The following ARHGAP18 variants were observed in gnomAD, a reference collection of about 807,000 sequenced individuals.
ARHGAP18 encodes rho GTPase-activating protein 18.
Under a neutral mutation model 86.2 loss-of-function variants are expected in ARHGAP18, and 67 were observed. That is an observed-to-expected ratio of 0.78 (90% CI 0.64 to 0.95). ARHGAP18 has a LOEUF of 0.95. ARHGAP18 is among the 40% of genes least tolerant of loss of function. ARHGAP18 has a pLI of 0.00. For missense variants in ARHGAP18, 691 were observed against 780.4 expected (o/e 0.89, Z 1.37); for synonymous variants, 283 against 280.4 (o/e 1.01, Z -0.09).
At chr6:129,694,704 A>G (rs1774584681) in intron 1 of ARHGAP18, among the ~76,000 whole-genome samples, 1 of 152,238 alleles carries the variant, frequency 6.6e-6, no homozygotes, top group South Asian at 2.1e-4. Context: ...CTCTTAGCTG[A>G]CACTGTGTAT....
chr6:129,633,989 A>T (rs137971331), intron 4 of ARHGAP18, 53 bp downstream of exon 4: 8 of 1,450,084 alleles, frequency 5.5e-6, no homozygotes, highest in African/African-American at 1.4e-5. Flanking sequence ...TGTAACTGTT[A>T]TACTAATTAA....
At chr6:129,605,144 C>CT (rs1487451753) in intron 10 of ARHGAP18, among the ~76,000 whole-genome samples, 3 of 151,826 alleles carry the variant, frequency 2.0e-5, no homozygotes, top group African/African-American at 7.3e-5. Flanking sequence ...ATTTTTTTTC[C>CT]TTTTTCTAAG....
At chr6:129,598,899 G>C (rs1298752210) in intron 12 of ARHGAP18, 1 of 174,028 alleles carries the variant, frequency 5.7e-6, no homozygotes, top group Non-Finnish European at 1.2e-5. Context: ...TAGGCGACTA[G>C]AGTCTCCGCA....
chr6:129,640,011 C>G (rs1034115881), intron 2 of ARHGAP18, among the ~76,000 whole-genome samples: 6 of 140,212 alleles, frequency 4.3e-5, no homozygotes, highest in African/African-American at 1.6e-4. Context: ...TGCCACTGTA[C>G]TCCAGCCTGG....
At chr6:129,691,539 C>T (rs1047690990) in intron 1 of ARHGAP18, among the ~76,000 whole-genome samples, 16 of 152,226 alleles carry the variant, frequency 1.1e-4, no homozygotes, top group African/African-American at 3.4e-4. Context: ...TCTCTCTAAG[C>T]GTTAAAACTT....
chr6:129,699,040 T>C (rs1423510532), intron 1 of ARHGAP18, among the ~76,000 whole-genome samples: 1 of 151,948 alleles, frequency 6.6e-6, no homozygotes, highest in Non-Finnish European at 1.5e-5. Context: ...GGTTTCACCA[T>C]ATTGGCCAGG....
chr6:129,640,042 C>CAA (rs374771260), intron 2 of ARHGAP18, among the ~76,000 whole-genome samples: 902 of 72,506 alleles, frequency 0.012, 24 homozygotes, highest in African/African-American at 0.024. Context: ...GAGACTGTCT[C>CAA]AAAAAAAAAA....
At chr6:129,673,262 T>C (rs1033474768) in intron 1 of ARHGAP18, among the ~76,000 whole-genome samples, 1 of 152,126 alleles carries the variant, frequency 6.6e-6, no homozygotes. Context: ...AAATATCCAG[T>C]TCCTATTTCC....
Position 129,578,534 on chromosome 6 carries a change from A to T in ARHGAP18, c.1971T>A (p.Val657=). 6.2e-7 allele frequency: 1 copy of T among 1,612,178 alleles called. No individual in the cohort carries two copies. The highest frequency in any genetic ancestry group is 8.5e-7 in the Non-Finnish European group (1 of 1,178,808). Residue 657 remains valine (V), a synonymous_variant, in exon 15 of 15, where the codon GTT becomes GTA. Coordinates refer to ENST00000368149, the MANE Select transcript of ARHGAP18 (RefSeq NM_033515.3). ...LYQLNPNAEW[V]IKSKPL is the part of the protein sequence containing the mutation. ...TCTTCTACAATGGCTTTGACTTTATAACCCACTCAGCATTTGGGTTAAGCT... is the reference window on the plus strand; with the variant it reads ...TCTTCTACAATGGCTTTGACTTTATTACCCACTCAGCATTTGGGTTAAGCT...
In ARHGAP18 at chr6:129,576,296, A is replaced by G. The variant is rs1380225503; in HGVS notation, c.*2217T>C. 6.6e-6 allele frequency: 1 copy of G among 152,174 alleles called. No individual in the cohort carries two copies. Among genetic ancestry groups the G allele is most frequent in the Non-Finnish European group, 1.5e-5 (1 of 68,024 alleles). The allele number at this position is 152,174 out of a possible 1,614,324, so 9.4% of individuals were successfully genotyped here. A position where few individuals can be genotyped will look rare whatever the true frequency, so the allele number is the denominator to read the frequency against. ...TTATATTCAAGGCTCTATGGTATCA[A>G]GTTTTTTTTCTCTTTAGAGCCAGGC... On this transcript the variant is annotated 3_prime_UTR_variant, in exon 15 of 15. Transcript: ENST00000368149.
rs141895248 is a variant in ARHGAP18, at chr6:129,670,861, C to A, written c.114-28843G>T. 3.2e-3 allele frequency among the ~76,000 whole-genome samples: 482 copies of A among 152,260 alleles called. 4 individuals carry two copies. Among genetic ancestry groups the A allele is most frequent in the African/African-American group, 0.011 (451 of 41,546 alleles). On this transcript the variant is annotated intron_variant, in intron 1 of 14. Transcript: ENST00000368149. ...AGGTTCCTCCCCTCCACACAGATCT[C>A]TACTTCCTCAGGCCTTCCTGGAGTC... is the stretch of plus-strand genomic sequence containing the variant.
chr6:129,646,819 T>C lies in ARHGAP18; in HGVS notation c.114-4801A>G, dbSNP rs1353686636. ...GAGAGTGAAAGAGGCAAATAACATCTTAGCGTTATTATGAAAACAGTTTTA... is the reference window on the plus strand; with the variant it reads ...GAGAGTGAAAGAGGCAAATAACATCCTAGCGTTATTATGAAAACAGTTTTA... On this transcript the variant is annotated intron_variant, in intron 1 of 14. Coordinates refer to ENST00000368149, the MANE Select transcript of ARHGAP18 (RefSeq NM_033515.3). Among the ~76,000 whole-genome samples the C allele has an allele frequency of 2.0e-5, 3 of 152,178 alleles. No homozygotes were observed. The East Asian group carries it at 5.8e-4, about 29-fold the overall frequency.
intron 1 of ARHGAP18, among the ~76,000 whole-genome samples, chr6:129,664,628 A>G (rs1774007035): frequency 6.6e-6 from 1 of 152,190 alleles, no homozygotes; most frequent in South Asian, 2.1e-4. Context: ...CAGTTTCCTC[A>G]CCTTCATTCA....
intron 3 of ARHGAP18, among the ~76,000 whole-genome samples, chr6:129,635,106 G>A (rs768133128): frequency 6.6e-5 from 10 of 152,162 alleles, no homozygotes; most frequent in Non-Finnish European, 1.0e-4. Flanking sequence ...TCCAGGTAAG[G>A]CTTCAGAAGG....
intron 1 of ARHGAP18, among the ~76,000 whole-genome samples, chr6:129,705,365 C>T (rs925574037): frequency 6.6e-6 from 1 of 152,142 alleles, no homozygotes; most frequent in African/African-American, 2.4e-5. Context: ...AGGAGTGAGT[C>T]CAGCTGCCAA....
chr6:129,601,557 G>GAAAAGAAAAGAA (rs1308146144), intron 10 of ARHGAP18, among the ~76,000 whole-genome samples: 4 of 151,252 alleles, frequency 2.6e-5, no homozygotes, highest in Non-Finnish European at 5.9e-5. Flanking sequence ...AAAGAAAAGA[G>GAAAAGAAAAGAA]AAAAGAAAAG....
intron 2 of ARHGAP18, among the ~76,000 whole-genome samples, chr6:129,640,042 CAAA>C (rs374771260): frequency 2.9e-3 from 214 of 72,840 alleles, no homozygotes; most frequent in Middle Eastern, 8.8e-3. Context: ...GAGACTGTCT[CAAA>C]AAAAAAAAAA....
At chr6:129,688,163 G>A (rs1443936446) in intron 1 of ARHGAP18, among the ~76,000 whole-genome samples, 2 of 152,082 alleles carry the variant, frequency 1.3e-5, no homozygotes, top group East Asian at 3.9e-4. Context: ...TCCTCCCCAA[G>A]AGCCACGTCA....
At chr6:129,585,372 C>A (rs1318913753) in intron 12 of ARHGAP18, among the ~76,000 whole-genome samples, 2 of 152,096 alleles carry the variant, frequency 1.3e-5, no homozygotes, top group Non-Finnish European at 2.9e-5. Flanking sequence ...TTTCAAAGTT[C>A]AACACAAATA....
Sources: allele counts gnomAD v4.1 joint callset (sites outside exome capture counted in the v4.1 genomes callset), GRCh38; gene constraint gnomAD v4.1.1; transcripts MANE v1.5; gene names NCBI Gene and HGNC (gene_info 2026-07-23, HGNC 2026-07-21).